The following VCL variants were observed in gnomAD, a reference collection of about 807,000 sequenced individuals.
The protein encoded by VCL is epididymis luminal protein 114.
VCL carries 47 observed loss-of-function variants against 125.7 expected under a neutral mutation model. The ratio of observed to expected loss-of-function variants is 0.37; its 90% CI spans 0.30 to 0.48. The LOEUF (loss-of-function observed/expected upper bound fraction) is 0.48. VCL is among the 20% of genes least tolerant of loss of function. The probability of loss-of-function intolerance (pLI) is 0.99; values close to 1 mark genes in which losing one functional copy is unlikely to be tolerated. For missense variants in VCL, 1,069 were observed against 1,455.5 expected (o/e 0.73, Z 4.32); for synonymous variants, 458 against 514.6 (o/e 0.89, Z 1.49).
chr10:74,023,853 A>G (rs1840720037), intron 1 of VCL, among the ~76,000 whole-genome samples: 1 of 152,238 alleles, frequency 6.6e-6, no homozygotes. Flanking sequence ...CTTATTTTCT[A>G]TCAATACATC....
intron 21 of VCL, among the ~76,000 whole-genome samples, chr10:74,115,613 GTA>G (rs1468553070): frequency 4.6e-5 from 7 of 152,098 alleles, no homozygotes; most frequent in Non-Finnish European, 8.8e-5. Context: ...TCAACTCACT[GTA>G]TGTTTCTGGC....
chr10:74,039,406 G>A (rs1841050770), intron 1 of VCL, among the ~76,000 whole-genome samples: 1 of 151,974 alleles, frequency 6.6e-6, no homozygotes, highest in Non-Finnish European at 1.5e-5. Context: ...GACTGCAGTA[G>A]CCTCCCTGCA....
intron 1 of VCL, among the ~76,000 whole-genome samples, chr10:74,014,419 G>A (rs1187084808): frequency 6.6e-6 from 1 of 151,954 alleles, no homozygotes; most frequent in African/African-American, 2.4e-5. Context: ...ATTTTTAGCA[G>A]AGACGGGGTT....
chr10:74,040,055 C>A (rs1841064007), intron 1 of VCL, among the ~76,000 whole-genome samples: 1 of 152,200 alleles, frequency 6.6e-6, no homozygotes, highest in Admixed American at 6.5e-5. Flanking sequence ...TCTTGCCTAG[C>A]TCTTTCATGA....
At position 74,082,516 on chromosome 10, in the gene VCL, T is replaced by G; in HGVS notation, c.846T>G (p.Gly282=). The change falls in exon 7 of 22, where the codon GGT becomes GGG. Residue 282 remains glycine, a synonymous_variant. Coordinates refer to ENST00000211998, the MANE Select transcript of VCL (RefSeq NM_014000.3). ...ACTCCAAACTGAACCAGGCCAAAGGTTGGCTCCGTGACCCTAGTGCCTCCC... is the reference window on the plus strand; with the variant it reads ...ACTCCAAACTGAACCAGGCCAAAGGGTGGCTCCGTGACCCTAGTGCCTCCC... The part of the protein sequence containing the change: ...SIDSKLNQAK[G]WLRDPSASPG... 1 of 1,614,140 alleles carries G rather than the reference T, an allele frequency of 6.2e-7. No homozygotes were observed.
At position 74,107,131 on chromosome 10, in the gene VCL, A is replaced by T. The variant is rs564671110; in HGVS notation, c.2435-99A>T. On this transcript the variant is annotated intron_variant, in intron 16 of 21. Transcript: ENST00000211998. Reference sequence around the variant, plus strand: ...GCCCGTGATATTTACTGGCAGCTTCACATCCAGCTTTTGTTCATGGAACCA... The same window carrying T: ...GCCCGTGATATTTACTGGCAGCTTCTCATCCAGCTTTTGTTCATGGAACCA... The T allele has an allele frequency of 6.9e-6, 11 of 1,597,486 alleles. No individual in the cohort carries two copies. In the African/African-American group the frequency reaches 1.3e-4, roughly 19 times the overall value.
intron 8 of VCL, among the ~76,000 whole-genome samples, chr10:74,086,797 C>T (rs1047466118): frequency 6.6e-6 from 1 of 152,318 alleles, no homozygotes; most frequent in African/African-American, 2.4e-5. Flanking sequence ...AGAAAGTTAT[C>T]TCCCTGTAGT....
At chr10:74,021,746 G>A (rs1565636051) in intron 1 of VCL, among the ~76,000 whole-genome samples, 4 of 152,206 alleles carry the variant, frequency 2.6e-5, no homozygotes, top group Admixed American at 6.5e-5. Context: ...ACTAGAGAAT[G>A]AGAATGCAAA....
chr10:74,060,655 CAAAAAA>C lies in VCL; in HGVS notation c.240-10003_240-9998del, dbSNP rs11398822. 4.6e-5 allele frequency among the ~76,000 whole-genome samples: 5 copies of C among 109,226 alleles called. No individual in the cohort carries two copies. In the East Asian group the frequency reaches 1.3e-3, roughly 29 times the overall value. 71.7% of individuals were successfully genotyped at this position (109,226 alleles called of 152,430 possible). On this transcript the variant is annotated intron_variant, in intron 2 of 21. Transcript: ENST00000211998. ...TGGGCAACAGAATGAGACTCTGTCTCAAAAAAAAAAAAAAAAAGAAAAAGAAAAAGA... is the reference window on the plus strand; with the variant it reads ...TGGGCAACAGAATGAGACTCTGTCTCAAAAAAAAAAAGAAAAAGAAAAAGA...
In VCL at chr10:74,094,458, G is replaced by A; in HGVS notation, c.1540G>A (p.Val514Ile). The A allele has an allele frequency of 1.2e-6, 2 of 1,613,586 alleles. No individual in the cohort carries two copies. Among genetic ancestry groups the A allele is most frequent in the South Asian group, 2.2e-5 (2 of 90,942 alleles). ...IDNPTVDDRG[V>I]GQAAIRGLVA... ...TAATCCCACAGTGGATGACCGTGGA[G>A]TCGGTAAGGGCAGCAGTGCACTATA... The change falls in exon 11 of 22, where the codon GTC (valine) becomes ATC (isoleucine). Residue 514 changes from valine to isoleucine, a missense_variant. Around this residue, in one of 6 missense-constraint regions of VCL, gnomAD observed 760 missense variants for 928.9 expected, o/e 0.82. Coordinates refer to ENST00000211998, the MANE Select transcript of VCL (RefSeq NM_014000.3).
Position 74,033,125 on chromosome 10 carries a change from A to G in VCL, c.169-9958A>G, listed in dbSNP as rs111494539. On this transcript the variant is annotated intron_variant, in intron 1 of 21. Transcript: ENST00000211998. Reference sequence around the variant, plus strand: ...TCATAATAGCCCAAAAATGAAAACAACTCAGGTGCCCATCAACTGATGAAT... The same window carrying G: ...TCATAATAGCCCAAAAATGAAAACAGCTCAGGTGCCCATCAACTGATGAAT... 6.0e-4 allele frequency among the ~76,000 whole-genome samples: 92 copies of G among 152,346 alleles called. 1 individual carries two copies. The highest frequency in any genetic ancestry group is 6.8e-3 in the Middle Eastern group (2 of 294).
rs372696553 is a variant in VCL at position 74,100,983 on chromosome 10, T to C, written c.1908T>C (p.His636=). Residue 636 remains histidine (H), a synonymous_variant, in exon 14 of 22, where the codon CAT becomes CAC. Coordinates refer to ENST00000211998, the MANE Select transcript of VCL (RefSeq NM_014000.3). The part of the protein sequence containing the change: ...FDERAANFEN[H]SGKLGATAEK... The stretch of plus-strand genomic sequence containing the variant: ...AGAGGGCAGCTAACTTTGAAAACCA[T>C]TCAGGAAAGCTTGGTGCTACGGCCG... The C allele has an allele frequency of 3.1e-6, 5 of 1,613,938 alleles. No homozygotes were observed. In the African/African-American group the frequency reaches 4.0e-5, roughly 13 times the overall value.
intron 11 of VCL, 26 bp from the exon 12 acceptor site, chr10:74,095,630 G>C (rs1360305179): frequency 6.2e-7 from 1 of 1,612,926 alleles, no homozygotes; most frequent in Non-Finnish European, 8.5e-7. Flanking sequence ...GGTCTTGTAA[G>C]TTTCATTGTT....
intron 8 of VCL, among the ~76,000 whole-genome samples, chr10:74,084,361 G>A (rs1186574759): frequency 6.6e-6 from 1 of 151,666 alleles, no homozygotes; most frequent in African/African-American, 2.4e-5. Flanking sequence ...GTGCAATCTC[G>A]GCTCACTGCA....
chr10:74,093,461 G>C (rs1374136745), intron 10 of VCL, among the ~76,000 whole-genome samples: 2 of 152,006 alleles, frequency 1.3e-5, no homozygotes, highest in Non-Finnish European at 1.5e-5. Context: ...TTACATCATA[G>C]GGTTGTTGTA....
intron 8 of VCL, among the ~76,000 whole-genome samples, chr10:74,086,884 C>T (rs1839787780): frequency 6.6e-6 from 1 of 152,178 alleles, no homozygotes; most frequent in South Asian, 2.1e-4. Flanking sequence ...ATATTCTGTT[C>T]AGTCACACAG....
At chr10:74,021,329 G>A (rs145639453) in intron 1 of VCL, among the ~76,000 whole-genome samples, 3 of 151,606 alleles carry the variant, frequency 2.0e-5, no homozygotes, top group East Asian at 1.9e-4. Context: ...ATTTGAGTCC[G>A]TAGAATGAGA....
intron 1 of VCL, among the ~76,000 whole-genome samples, chr10:74,029,033 G>T (rs567538274): frequency 6.6e-6 from 1 of 151,792 alleles, no homozygotes; most frequent in Non-Finnish European, 1.5e-5. Context: ...TGGCTAGGTT[G>T]GTCTCAAACT....
intron 8 of VCL, among the ~76,000 whole-genome samples, chr10:74,086,485 G>T (rs1313040824): frequency 1.3e-5 from 2 of 152,246 alleles, no homozygotes; most frequent in African/African-American, 2.4e-5. Context: ...AGGACAAAAA[G>T]AAGTTTTGTT....
Sources: allele counts gnomAD v4.1 joint callset (sites outside exome capture counted in the v4.1 genomes callset), GRCh38; gene constraint gnomAD v4.1.1; regional missense constraint gnomAD v4.1.1; transcripts MANE v1.5; gene names NCBI Gene and HGNC (gene_info 2026-07-23, HGNC 2026-07-21).